DOCK11: variants seen among roughly 807,000 people sequenced by gnomAD.
DOCK11 encodes dedicator of cytokinesis protein 11.
A neutral mutation model predicts 169.1 loss-of-function variants in DOCK11; 70 were observed. The ratio of observed to expected loss-of-function variants is 0.41; its 90% CI spans 0.34 to 0.51. The LOEUF is 0.51. DOCK11 is among the 20% of genes least tolerant of loss of function. The probability of loss-of-function intolerance (pLI) is 0.10; values close to 1 mark genes in which losing one functional copy is unlikely to be tolerated. For synonymous variants in DOCK11, 529 were observed against 541.3 expected (o/e 0.98, Z 0.32); for missense variants, 1,166 against 1,538.8 (o/e 0.76, Z 4.05).
intron 46 of DOCK11, among the ~76,000 whole-genome samples, chrX:118,672,271 T>C (rs953318195): frequency 1.8e-5 from 2 of 112,407 alleles, no homozygotes; most frequent in Non-Finnish European, 3.8e-5. Context: ...AGTAGTATAA[T>C]GCACAGCAAT....
At chrX:118,635,600 T>A (rs1361958383) in intron 35 of DOCK11, among the ~76,000 whole-genome samples, 2 of 111,913 alleles carry the variant, frequency 1.8e-5, no homozygotes, top group Admixed American at 9.4e-5. Context: ...TTTTATTATT[T>A]TTTTTGAGAC....
intron 36 of DOCK11, 135 bp from the exon 37 acceptor site, chrX:118,637,945 T>C: frequency 2.1e-6 from 1 of 482,871 alleles, no homozygotes; most frequent in Non-Finnish European, 3.4e-6. Context: ...TATGTATTTC[T>C]GTATAGCAAA....
At chrX:118,565,297 G>A (rs1259872423) in intron 7 of DOCK11, among the ~76,000 whole-genome samples, 2 of 111,582 alleles carry the variant, frequency 1.8e-5, no homozygotes, top group Non-Finnish European at 3.8e-5. Context: ...GGGTACATGT[G>A]ATAGTTTGAT....
rs758512645 is a variant in DOCK11, at chrX:118,501,379, G to A, written c.102+5306G>A. Among the ~76,000 whole-genome samples the A allele has an allele frequency of 9.0e-5, 10 of 111,677 alleles. No individual in the cohort carries two copies. In the South Asian group the frequency reaches 3.7e-3, roughly 42 times the overall value. On this transcript the variant is annotated intron_variant, in intron 1 of 52. Coordinates refer to ENST00000276202, the MANE Select transcript of DOCK11 (RefSeq NM_144658.4). ...CGCATGCCTGTAGTCCCAGGTACTC[G>A]GGAGGCTGAGGCAGGAGAATCGCTT... is the stretch of plus-strand genomic sequence containing the variant.
At chrX:118,561,334 T>G (rs1369051985) in intron 6 of DOCK11, 49 bp from the exon 7 acceptor site, 5 of 1,063,922 alleles carry the variant, frequency 4.7e-6, no homozygotes, top group Non-Finnish European at 6.1e-6. Flanking sequence ...ACTATTCAAA[T>G]GCAATGTATA....
chrX:118,625,159 GT>G (rs367657403), intron 32 of DOCK11, among the ~76,000 whole-genome samples: 44 of 97,753 alleles, frequency 4.5e-4, no homozygotes, highest in Middle Eastern at 0.013. Context: ...GTTAAAACAG[GT>G]TTTTTTTTTT....
chrX:118,583,081 T>A (rs1373347122), intron 14 of DOCK11, among the ~76,000 whole-genome samples: 6 of 112,048 alleles, frequency 5.4e-5, no homozygotes, highest in Non-Finnish European at 7.5e-5. Flanking sequence ...ATATACACCA[T>A]GGAATACTAT....
chrX:118,630,150 C>T (rs1045771604), intron 34 of DOCK11, among the ~76,000 whole-genome samples: 1 of 111,596 alleles, frequency 9.0e-6, no homozygotes, highest in African/African-American at 3.3e-5. Context: ...GAATGAAACA[C>T]AGTATTCATG....
intron 48 of DOCK11, 47 bp from the exon 49 acceptor site, chrX:118,680,435 T>A (rs2016715741): frequency 1.3e-6 from 1 of 783,576 alleles, no homozygotes. Context: ...CTGAATAAAA[T>A]AAAAAATAAA....
At chrX:118,559,783 A>G (rs887819961) in intron 6 of DOCK11, among the ~76,000 whole-genome samples, 12 of 111,675 alleles carry the variant, frequency 1.1e-4, no homozygotes, top group Admixed American at 1.1e-3. Flanking sequence ...CATTATGATT[A>G]ACATTTTCCT....
At chrX:118,576,251 G>A (rs916788670) in intron 12 of DOCK11, among the ~76,000 whole-genome samples, 5 of 111,682 alleles carry the variant, frequency 4.5e-5, no homozygotes, top group Non-Finnish European at 9.4e-5. Context: ...ATTTTCTAGC[G>A]GGAGGGGCCA....
chrX:118,616,976 CTA>C, intron 30 of DOCK11, among the ~76,000 whole-genome samples: 1 of 111,808 alleles, frequency 8.9e-6, no homozygotes, highest in African/African-American at 3.2e-5. Context: ...TTATTTATAA[CTA>C]TGAGGAAGTC....
At chrX:118,660,080 C>T (rs1173843803) in intron 44 of DOCK11, among the ~76,000 whole-genome samples, 4 of 111,703 alleles carry the variant, frequency 3.6e-5, no homozygotes, top group Non-Finnish European at 7.5e-5. Flanking sequence ...TGGCTCTTGA[C>T]CTGATAGTGC....
chrX:118,647,698 A>T (rs2015742670), intron 40 of DOCK11, among the ~76,000 whole-genome samples: 1 of 53,983 alleles, frequency 1.9e-5, no homozygotes, highest in Non-Finnish European at 3.1e-5. Context: ...ATTATAATAT[A>T]ATATATAATA....
At chrX:118,520,126 G>A (rs779819067) in intron 1 of DOCK11, among the ~76,000 whole-genome samples, 4 of 112,217 alleles carry the variant, frequency 3.6e-5, no homozygotes, top group African/African-American at 1.3e-4. Context: ...AGAAGACACT[G>A]GGAAATGGAC....
At chrX:118,598,943 G>C (rs2014252128) in intron 22 of DOCK11, among the ~76,000 whole-genome samples, 196 bp from the exon 23 acceptor site, 2 of 111,894 alleles carry the variant, frequency 1.8e-5, no homozygotes, top group Admixed American at 1.9e-4. Context: ...ATAAATGGTG[G>C]CCTACCCCAT....
intron 24 of DOCK11, among the ~76,000 whole-genome samples, chrX:118,607,138 T>C: frequency 1.1e-5 from 1 of 89,308 alleles, no homozygotes; most frequent in South Asian, 5.8e-4. Context: ...TTTTTTTAGG[T>C]GGAGTCTAGC....
intron 31 of DOCK11, among the ~76,000 whole-genome samples, chrX:118,620,746 C>T (rs914183854): frequency 6.2e-5 from 7 of 112,241 alleles, no homozygotes; most frequent in East Asian, 2.8e-4. Context: ...AATGCATTAT[C>T]GCTGGGTTCT....
chrX:118,589,122 A>G lies in DOCK11; in HGVS notation c.2046+644A>G, dbSNP rs767251691. On this transcript the variant is annotated intron_variant, in intron 18 of 52. Transcript: ENST00000276202. The stretch of plus-strand genomic sequence containing the variant: ...TCTTGCATCAGCCTAAATCAGACAG[A>G]TGGATGCTGGGTCTTACACTCAAAC... Among the ~76,000 whole-genome samples the G allele has an allele frequency of 2.7e-5, 3 of 112,206 alleles. No homozygotes were observed. In the East Asian group the frequency reaches 8.4e-4, roughly 31 times the overall value.
Sources: gnomAD v4.1 joint callset for allele counts (sites outside exome capture counted in the v4.1 genomes callset) on GRCh38, gnomAD v4.1.1 for gene constraint, MANE v1.5 for transcripts, NCBI Gene and HGNC (gene_info 2026-07-23, HGNC 2026-07-21) for gene names.